The following KIAA1217 variants were observed in gnomAD, a reference collection of about 807,000 sequenced individuals.
KIAA1217 encodes the protein KIAA1217.
Under a neutral mutation model 163.9 loss-of-function variants are expected in KIAA1217, and 88 were observed. That is an observed-to-expected ratio of 0.54 (90% CI 0.45 to 0.64). The LOEUF is 0.64. KIAA1217 is among the 30% of genes least tolerant of loss of function. The pLI, the probability that KIAA1217 is intolerant of heterozygous loss-of-function variation, is 0.00. For synonymous variants in KIAA1217, 903 were observed against 923.1 expected, an observed-to-expected ratio of 0.98 and a Z score of 0.39; for missense variants, 2,372 against 2,475.0, an observed-to-expected ratio of 0.96 and a Z score of 0.88.
intron 2 of KIAA1217, among the ~76,000 whole-genome samples, chr10:24,162,132 T>A (rs915717940): frequency 2.6e-5 from 4 of 152,168 alleles, no homozygotes; most frequent in Non-Finnish European, 5.9e-5. Context: ...TAAGAAAATA[T>A]CAAATTTGGG....
chr10:24,462,917 T>C (rs2062567989), intron 5 of KIAA1217, among the ~76,000 whole-genome samples: 3 of 152,200 alleles, frequency 2.0e-5, no homozygotes, highest in Non-Finnish European at 2.9e-5. Context: ...GATAACTTAC[T>C]AGCATCCAAT....
intron 2 of KIAA1217, among the ~76,000 whole-genome samples, chr10:24,372,805 A>G (rs1224888256): frequency 6.6e-6 from 1 of 152,200 alleles, no homozygotes; most frequent in Non-Finnish European, 1.5e-5. Flanking sequence ...GTACACAGAC[A>G]TTGTAATTTG....
intron 2 of KIAA1217, among the ~76,000 whole-genome samples, chr10:24,327,963 A>G (rs2045147493): frequency 6.6e-6 from 1 of 152,150 alleles, no homozygotes; most frequent in African/African-American, 2.4e-5. Flanking sequence ...ATATGCAGTC[A>G]TGCTTCACCC....
At chr10:24,354,705 C>CTCTCAGCATTCAGATGT (rs2048859031) in intron 2 of KIAA1217, among the ~76,000 whole-genome samples, 1 of 152,080 alleles carries the variant, frequency 6.6e-6, no homozygotes, top group African/African-American at 2.4e-5. Flanking sequence ...AGCCAAACTC[C>CTCTCAGCATTCAGATGT]TCTCAGCATT....
intron 1 of KIAA1217, among the ~76,000 whole-genome samples, chr10:23,913,607 G>A (rs1028406062): frequency 7.2e-5 from 11 of 152,164 alleles, no homozygotes; most frequent in African/African-American, 2.6e-4. Context: ...GGTGCCCAAA[G>A]GCTACAGAAT....
chr10:23,843,906 G>A (rs1838903256), intron 1 of KIAA1217, among the ~76,000 whole-genome samples: 1 of 152,082 alleles, frequency 6.6e-6, no homozygotes, highest in Admixed American at 6.6e-5. Context: ...AATAACCTTT[G>A]ATTTAATTCT....
At chr10:23,827,846 G>A (rs949685777) in intron 1 of KIAA1217, among the ~76,000 whole-genome samples, 2 of 152,196 alleles carry the variant, frequency 1.3e-5, no homozygotes, top group African/African-American at 4.8e-5. Context: ...GAAGAGGGCT[G>A]TTGGTGTCAC....
chr10:24,441,225 CT>C (rs1291406723), intron 5 of KIAA1217, among the ~76,000 whole-genome samples: 2 of 152,178 alleles, frequency 1.3e-5, no homozygotes, highest in Non-Finnish European at 2.9e-5. Context: ...AGTCCTGCCC[CT>C]GATGTCATTA....
chr10:23,829,036 C>A (rs1588901395), intron 1 of KIAA1217, among the ~76,000 whole-genome samples: 1 of 152,136 alleles, frequency 6.6e-6, no homozygotes, highest in Non-Finnish European at 1.5e-5. Context: ...TTGATATATG[C>A]AAAATCCCTT....
Position 23,790,127 on chromosome 10 carries a change from A to G in KIAA1217, c.-321+94893A>G, listed in dbSNP as rs1389304155. 4.6e-5 allele frequency among the ~76,000 whole-genome samples: 4 copies of G among 87,152 alleles called. 1 individual carries two copies. The highest frequency in any genetic ancestry group is 5.5e-5 in the African/African-American group (1 of 18,108). The allele number at this position is 87,152 out of a possible 152,430, so 57.2% of individuals were successfully genotyped here. ...TACACATATGCATATACACATATAC[A>G]CATATGCATATACACATATACACAT... On this transcript the variant is annotated intron_variant, in intron 1 of 18. Transcript: ENST00000376462.
chr10:24,411,546 G>C (rs2057770610), intron 3 of KIAA1217, among the ~76,000 whole-genome samples: 1 of 152,100 alleles, frequency 6.6e-6, no homozygotes, highest in African/African-American at 2.4e-5. Flanking sequence ...TATACTTGGT[G>C]AATTCTTTCA....
At chr10:23,799,896 C>A (rs1282150501) in intron 1 of KIAA1217, among the ~76,000 whole-genome samples, 1 of 152,170 alleles carries the variant, frequency 6.6e-6, no homozygotes, top group Non-Finnish European at 1.5e-5. Context: ...TTCTATTGGA[C>A]TAAGAATTGA....
chr10:24,036,155 G>C (rs1424770193), intron 2 of KIAA1217, among the ~76,000 whole-genome samples: 1 of 152,198 alleles, frequency 6.6e-6, no homozygotes, highest in Admixed American at 6.5e-5. Context: ...AGCCAGGGCA[G>C]CTCAGGCAGT....
chr10:24,269,491 T>A (rs1022143129), intron 2 of KIAA1217, among the ~76,000 whole-genome samples: 2 of 152,112 alleles, frequency 1.3e-5, no homozygotes, highest in African/African-American at 4.8e-5. Flanking sequence ...GCCACTGTAC[T>A]CCAGCTTGGG....
At chr10:24,356,394 A>G (rs968425682) in intron 2 of KIAA1217, among the ~76,000 whole-genome samples, 13 of 152,154 alleles carry the variant, frequency 8.5e-5, no homozygotes, top group African/African-American at 2.4e-4. Flanking sequence ...GGTCCTTCCC[A>G]TGGGTATTTA....
At chr10:24,361,985 A>C (rs2050093559) in intron 2 of KIAA1217, among the ~76,000 whole-genome samples, 1 of 9,612 alleles carries the variant, frequency 1.0e-4, no homozygotes, top group Non-Finnish European at 3.3e-4. Flanking sequence ...TCTGTCTCAA[A>C]AAAAAAAAAA....
chr10:24,168,848 C>T (rs1317963233), intron 2 of KIAA1217, among the ~76,000 whole-genome samples: 4 of 152,152 alleles, frequency 2.6e-5, no homozygotes, highest in Non-Finnish European at 1.5e-5. Context: ...TTTTCTTAAG[C>T]AAAGGAAACT....
intron 1 of KIAA1217, among the ~76,000 whole-genome samples, chr10:23,807,542 C>T (rs1836800068): frequency 6.6e-6 from 1 of 152,144 alleles, no homozygotes; most frequent in Admixed American, 6.5e-5. Flanking sequence ...GTTTATAAAA[C>T]AGTCAGATGG....
chr10:24,212,732 C>A, intron 1 of KIAA1217, among the ~76,000 whole-genome samples: 1 of 152,196 alleles, frequency 6.6e-6, no homozygotes, highest in Admixed American at 6.5e-5. Context: ...TCATTGCATT[C>A]TCTCTTGTGT....
Sources: gnomAD v4.1 joint callset for allele counts (sites outside exome capture counted in the v4.1 genomes callset) on GRCh38, gnomAD v4.1.1 for gene constraint, MANE v1.5 for transcripts, NCBI Gene and HGNC (gene_info 2026-07-23, HGNC 2026-07-21) for gene names.